The following ATAD1 variants were observed in gnomAD, a reference collection of about 807,000 sequenced individuals.
ATAD1 encodes the protein outer mitochondrial transmembrane helix translocase.
A neutral mutation model predicts 42.7 loss-of-function variants in ATAD1; 18 were observed. The observed-to-expected ratio is 0.42, with a 90% CI of 0.29 to 0.63. ATAD1 has a LOEUF of 0.63. Ranked by LOEUF, ATAD1 falls within the 20% of genes least tolerant of loss-of-function variation. The pLI, the probability that ATAD1 is intolerant of heterozygous loss-of-function variation, is 0.19. For missense variants in ATAD1, 294 were observed against 440.4 expected (o/e 0.67, Z 2.98); for synonymous variants, 132 against 143.1 (o/e 0.92, Z 0.55).
intron 2 of ATAD1, among the ~76,000 whole-genome samples, chr10:87,797,973 C>A (rs989265326): frequency 2.0e-5 from 3 of 152,196 alleles, no homozygotes; most frequent in African/African-American, 7.2e-5. Context: ...CAAAAGGTGC[C>A]CCTGGGTGAC....
At chr10:87,822,682 CAAA>C (rs1857653145), upstream of ATAD1, among the ~76,000 whole-genome samples, 1 of 150,712 alleles carries the variant, frequency 6.6e-6, no homozygotes, top group South Asian at 2.1e-4. Flanking sequence ...GTAATGGGTA[CAAA>C]AATACAGTTA....
intron 2 of ATAD1, among the ~76,000 whole-genome samples, chr10:87,813,428 C>A (rs991974338): frequency 2.6e-5 from 4 of 151,140 alleles, no homozygotes; most frequent in African/African-American, 9.7e-5. Flanking sequence ...TCATCTAGAA[C>A]TTCAGTCAAC....
chr10:87,798,734 C>A (rs1393683561), intron 2 of ATAD1, among the ~76,000 whole-genome samples: 1 of 151,550 alleles, frequency 6.6e-6, no homozygotes, highest in Non-Finnish European at 1.5e-5. Context: ...TCTTAGCACA[C>A]TAGACGTTTT....
In ATAD1 at chr10:87,799,619, T is replaced by C. The variant is rs192642903; in HGVS notation, c.163-6864A>G. The stretch of plus-strand genomic sequence containing the variant: ...TTATGATTTTGCAATGGTGGTTCTG[T>C]AACTTTAAATGATGACCATTACAGT... On this transcript the variant is annotated intron_variant, in intron 2 of 9. Coordinates refer to ENST00000680024, the MANE Select transcript of ATAD1 (RefSeq NM_001321967.2). Among the ~76,000 whole-genome samples the C allele has an allele frequency of 3.3e-5, 5 of 152,308 alleles. No individual in the cohort carries two copies. The East Asian group carries it at 9.6e-4, about 29-fold the overall frequency.
chr10:87,802,745 G>T (rs1856762021), intron 2 of ATAD1, among the ~76,000 whole-genome samples: 1 of 152,020 alleles, frequency 6.6e-6, no homozygotes, highest in Admixed American at 6.6e-5. Flanking sequence ...ACCATAATTT[G>T]TCTTTAGTGA....
chr10:87,831,113 T>A (rs965618190), intron 1 of ATAD1, among the ~76,000 whole-genome samples: 2 of 152,192 alleles, frequency 1.3e-5, no homozygotes, highest in Non-Finnish European at 2.9e-5. Flanking sequence ...AAAGGGATAG[T>A]GTCTACATTA....
chr10:87,785,421 A>C (rs1282212556), intron 4 of ATAD1, among the ~76,000 whole-genome samples: 3 of 149,876 alleles, frequency 2.0e-5, no homozygotes, highest in Non-Finnish European at 4.4e-5. Context: ...ATTTTACCAA[A>C]TTACTAAACT....
intron 5 of ATAD1, among the ~76,000 whole-genome samples, chr10:87,782,092 A>G (rs1303521375): frequency 6.6e-6 from 1 of 152,212 alleles, no homozygotes; most frequent in Non-Finnish European, 1.5e-5. Flanking sequence ...CTAGAAAAAA[A>G]CCATACTTAA....
chr10:87,799,992 A>AAGCAGT (rs1856607366), intron 2 of ATAD1, among the ~76,000 whole-genome samples: 2 of 151,908 alleles, frequency 1.3e-5, no homozygotes, highest in Admixed American at 1.3e-4. Context: ...ATTTAGTCCT[A>AAGCAGT]CAATAAAATG....
intron 4 of ATAD1, among the ~76,000 whole-genome samples, chr10:87,789,722 AAAAAG>A (rs1323099754): frequency 2.0e-5 from 3 of 152,186 alleles, no homozygotes; most frequent in South Asian, 2.1e-4. Context: ...ACCCCATCTC[AAAAAG>A]AAAAGAAAAG....
chr10:87,834,847 A>G (rs975210373), intron 1 of ATAD1, among the ~76,000 whole-genome samples: 1 of 151,842 alleles, frequency 6.6e-6, no homozygotes, highest in Admixed American at 6.6e-5. Flanking sequence ...AGCTTCTTAA[A>G]GATCAGTGAC....
chr10:87,834,848 G>A (rs576011931), intron 1 of ATAD1, among the ~76,000 whole-genome samples: 30 of 151,920 alleles, frequency 2.0e-4, no homozygotes, highest in Non-Finnish European at 3.8e-4. Context: ...GCTTCTTAAA[G>A]ATCAGTGACG....
chr10:87,829,300 G>A (rs902395068), intron 1 of ATAD1, among the ~76,000 whole-genome samples: 7 of 151,398 alleles, frequency 4.6e-5, no homozygotes, highest in African/African-American at 1.7e-4. Context: ...CTGTCTCCCA[G>A]GCTGGAGTGT....
At chr10:87,806,840 G>A (rs1337143619) in intron 2 of ATAD1, among the ~76,000 whole-genome samples, 2 of 152,092 alleles carry the variant, frequency 1.3e-5, no homozygotes, top group Non-Finnish European at 2.9e-5. Context: ...CTCTTTACGA[G>A]GAAGGACGAA....
chr10:87,840,055 T>A (rs2132123101), intron 1 of ATAD1, among the ~76,000 whole-genome samples: 1 of 152,314 alleles, frequency 6.6e-6, no homozygotes, highest in South Asian at 2.1e-4. Context: ...ATACTGTAGT[T>A]TTTCTCTCCC....
intron 1 of ATAD1, among the ~76,000 whole-genome samples, chr10:87,835,788 T>C (rs1373674025): frequency 1.3e-5 from 2 of 152,176 alleles, no homozygotes; most frequent in African/African-American, 4.8e-5. Context: ...AAATTCCATA[T>C]TTTTGTTAGT....
intron 1 of ATAD1, among the ~76,000 whole-genome samples, chr10:87,816,737 AT>A (rs1412890399): frequency 6.6e-6 from 1 of 152,244 alleles, no homozygotes; most frequent in African/African-American, 2.4e-5. Context: ...TCTAGTCTTT[AT>A]TCCACAAAGT....
At chr10:87,765,885 T>C (rs1854720335) in intron 8 of ATAD1, among the ~76,000 whole-genome samples, 1 of 151,588 alleles carries the variant, frequency 6.6e-6, no homozygotes, top group Admixed American at 6.6e-5. Context: ...ACTAAATAAA[T>C]AAACAGAATT....
intron 2 of ATAD1, among the ~76,000 whole-genome samples, chr10:87,801,138 G>A (rs1856672331): frequency 6.6e-6 from 1 of 152,072 alleles, no homozygotes; most frequent in Non-Finnish European, 1.5e-5. Flanking sequence ...AAATTGAATT[G>A]GTTTCATGCT....
Sources: allele counts gnomAD v4.1 joint callset (sites outside exome capture counted in the v4.1 genomes callset), GRCh38; gene constraint gnomAD v4.1.1; transcripts MANE v1.5; gene names NCBI Gene and HGNC (gene_info 2026-07-23, HGNC 2026-07-21).